The following CSMD1 variants were observed in gnomAD, a reference collection of about 807,000 sequenced individuals.
The protein encoded by CSMD1 is CUB and sushi domain-containing protein 1.
Under a neutral mutation model 417.5 loss-of-function variants are expected in CSMD1, and 213 were observed. That is an observed-to-expected ratio of 0.51 (90% CI 0.46 to 0.57). The LOEUF is 0.57. Among genes scored for constraint, CSMD1 ranks in the 20% least tolerant of loss-of-function variants. The pLI is 0.00. For synonymous variants in CSMD1, 2,862 were observed against 1,736.8 expected (o/e 1.65, Z -16.11); for missense variants, 6,923 against 4,529.7 (o/e 1.53, Z -15.17).
At chr8:4,585,188 T>C (rs1349664851) in intron 2 of CSMD1, among the ~76,000 whole-genome samples, 2 of 150,944 alleles carry the variant, frequency 1.3e-5, no homozygotes, top group African/African-American at 4.9e-5. Flanking sequence ...CTGTGATTAA[T>C]ATGTTCAAAG....
At chr8:4,262,844 A>G (rs558240504) in intron 3 of CSMD1, among the ~76,000 whole-genome samples, 2 of 152,312 alleles carry the variant, frequency 1.3e-5, no homozygotes, top group African/African-American at 4.8e-5. Context: ...GCTTTAATCA[A>G]AACTGTCTTT....
intron 3 of CSMD1, among the ~76,000 whole-genome samples, chr8:4,066,854 G>A (rs761840514): frequency 6.6e-6 from 1 of 152,166 alleles, no homozygotes; most frequent in African/African-American, 2.4e-5. Flanking sequence ...CAGTAGCCTT[G>A]ATCACTGCTG....
intron 1 of CSMD1, among the ~76,000 whole-genome samples, chr8:4,727,622 T>C (rs1251549399): frequency 1.3e-5 from 2 of 152,156 alleles, no homozygotes; most frequent in South Asian, 4.1e-4. Context: ...CAAGTTTATA[T>C]TTCCGTGATC....
intron 3 of CSMD1, among the ~76,000 whole-genome samples, chr8:4,283,474 C>G (rs899458149): frequency 6.6e-6 from 1 of 152,194 alleles, no homozygotes; most frequent in South Asian, 2.1e-4. Flanking sequence ...TTTACTCCCA[C>G]TTTGTACCAA....
At chr8:4,131,756 C>CTTT (rs10650865) in intron 3 of CSMD1, among the ~76,000 whole-genome samples, 7,842 of 87,358 alleles carry the variant, frequency 0.09, 1,213 homozygotes, top group East Asian at 0.23. Context: ...ACAAATGTGA[C>CTTT]TTTTTTTTTT....
intron 10 of CSMD1, among the ~76,000 whole-genome samples, chr8:3,520,345 A>C (rs576345417): frequency 6.6e-6 from 1 of 152,300 alleles, no homozygotes; most frequent in South Asian, 2.1e-4. Flanking sequence ...CTGCAGAAGA[A>C]TATTTTGACT....
At chr8:3,049,049 T>C (rs1433166966) in intron 50 of CSMD1, among the ~76,000 whole-genome samples, 2 of 152,084 alleles carry the variant, frequency 1.3e-5, no homozygotes, top group Admixed American at 6.5e-5. Flanking sequence ...TGCACATCTA[T>C]GAGAATGGCC....
At chr8:4,071,067 G>A (rs1455869379) in intron 3 of CSMD1, among the ~76,000 whole-genome samples, 2 of 152,012 alleles carry the variant, frequency 1.3e-5, no homozygotes, top group Non-Finnish European at 2.9e-5. Flanking sequence ...GGTGTACATG[G>A]TTATGGTTTC....
At chr8:3,271,969 C>G (rs577431040) in intron 26 of CSMD1, among the ~76,000 whole-genome samples, 1 of 152,150 alleles carries the variant, frequency 6.6e-6, no homozygotes, top group East Asian at 1.9e-4. Flanking sequence ...CTTTTGTTGC[C>G]TTTGCTTTTT....
intron 26 of CSMD1, among the ~76,000 whole-genome samples, chr8:3,236,809 A>G (rs1327678365): frequency 2.6e-5 from 4 of 152,164 alleles, no homozygotes; most frequent in African/African-American, 9.7e-5. Context: ...AAAAGAAAAC[A>G]TTTTCAGTTG....
rs867425018 is a variant in CSMD1, at chr8:4,525,302, T to C, written c.303-105237A>G. On this transcript the variant is annotated intron_variant, in intron 2 of 69. Transcript: ENST00000635120. ...CTCTGTAGTATGGTCTGTAGGTAGC[T>C]ATGTGGCCAAGGCTCCCGGCATGGG... Among the ~76,000 whole-genome samples, 7 of 152,218 alleles carry C rather than the reference T, an allele frequency of 4.6e-5. No individual in the cohort carries two copies. In the Middle Eastern group the frequency reaches 0.017, roughly 370 times the overall value.
chr8:3,439,598 G>T (rs1051008809), intron 12 of CSMD1, among the ~76,000 whole-genome samples: 5 of 151,124 alleles, frequency 3.3e-5, no homozygotes, highest in Non-Finnish European at 5.9e-5. Flanking sequence ...CCAGTCTACA[G>T]CTTATCTTTT....
intron 26 of CSMD1, among the ~76,000 whole-genome samples, chr8:3,238,906 G>A (rs1482875943): frequency 2.0e-5 from 3 of 152,098 alleles, no homozygotes; most frequent in Admixed American, 6.5e-5. Flanking sequence ...TCAAGAGCAG[G>A]GCATGTATAA....
At chr8:3,501,581 A>G (rs1464143586) in intron 10 of CSMD1, among the ~76,000 whole-genome samples, 1 of 152,238 alleles carries the variant, frequency 6.6e-6, no homozygotes, top group Non-Finnish European at 1.5e-5. Context: ...TAGAAATGAC[A>G]ACTCAGAACA....
intron 1 of CSMD1, among the ~76,000 whole-genome samples, chr8:4,764,085 G>T (rs1812291493): frequency 6.6e-6 from 1 of 152,144 alleles, no homozygotes; most frequent in Non-Finnish European, 1.5e-5. Context: ...CATCATCTAT[G>T]CAATCTCCAC....
chr8:4,054,268 G>A (rs532135420), intron 3 of CSMD1, among the ~76,000 whole-genome samples: 3 of 110,156 alleles, frequency 2.7e-5, no homozygotes, highest in Non-Finnish European at 5.6e-5. Flanking sequence ...GTTAAGAGGT[G>A]ACGGGGAAGT....
chr8:3,774,978 G>T (rs1319193296), intron 5 of CSMD1, among the ~76,000 whole-genome samples: 2 of 151,978 alleles, frequency 1.3e-5, no homozygotes, highest in East Asian at 3.9e-4. Context: ...CAATGCACTG[G>T]ACACAGGGGC....
At chr8:3,733,818 C>G (rs777483519) in intron 6 of CSMD1, among the ~76,000 whole-genome samples, 3 of 152,092 alleles carry the variant, frequency 2.0e-5, no homozygotes, top group Non-Finnish European at 2.9e-5. Context: ...ACTGTTTTTA[C>G]TTTATTATTA....
At chr8:4,661,764 G>C (rs957222652) in intron 1 of CSMD1, among the ~76,000 whole-genome samples, 1 of 152,094 alleles carries the variant, frequency 6.6e-6, no homozygotes, top group Non-Finnish European at 1.5e-5. Flanking sequence ...GTTTTTATAA[G>C]ACCATTAAAT....
Sources: allele counts gnomAD v4.1 joint callset (sites outside exome capture counted in the v4.1 genomes callset), GRCh38; gene constraint gnomAD v4.1.1; transcripts MANE v1.5; gene names NCBI Gene and HGNC (gene_info 2026-07-23, HGNC 2026-07-21).